BACH2: variants seen among roughly 807,000 people sequenced by gnomAD.
The protein encoded by BACH2 is BACH transcriptional regulator 2.
In BACH2, 5 loss-of-function variants were observed where a neutral mutation model predicts 61.8. The ratio of observed to expected loss-of-function variants is 0.08; its 90% CI spans 0.04 to 0.17. The LOEUF is 0.17. BACH2 is among the 10% of genes least tolerant of loss of function. The pLI, the probability that BACH2 is intolerant of heterozygous loss-of-function variation, is 1.00. For missense variants in BACH2, 824 were observed against 1,091.1 expected (o/e 0.76, Z 3.45); for synonymous variants, 446 against 440.1 (o/e 1.01, Z -0.17).
At chr6:90,204,179 T>C (rs1769057735) in intron 4 of BACH2, among the ~76,000 whole-genome samples, 1 of 152,088 alleles carries the variant, frequency 6.6e-6, no homozygotes, top group Non-Finnish European at 1.5e-5. Context: ...GCCCCGTCAG[T>C]GAGCTGGGAT....
intron 6 of BACH2, among the ~76,000 whole-genome samples, chr6:89,978,633 T>TAAAA (rs753724278): frequency 1.9e-3 from 165 of 85,960 alleles, no homozygotes; most frequent in Non-Finnish European, 2.9e-3. Context: ...GTGTTGGCTT[T>TAAAA]AAAAAAAAAA....
rs765643855 is a variant in BACH2 at position 89,950,784 on chromosome 6, A to C, written c.1322T>G (p.Val441Gly). The change falls in exon 7 of 9, where the codon GTG (valine) becomes GGG (glycine). Residue 441 changes from valine (V) to glycine (G), a missense_variant. By Grantham distance (109) the Val-to-Gly change is moderately radical. Around this residue, in one of 8 missense-constraint regions of BACH2, gnomAD observed 102 missense variants for 98.1 expected, o/e 1.04. Transcript: ENST00000257749. The surrounding 1 kb of genome is among the most constrained non-coding windows in gnomAD (Gnocchi z 5.3). ...AGAATAAGAATGCACCGAGGTGCTC[A>C]CTTGGTCACAAGCGCTGGAGGAGAA... The part of the protein sequence containing the change: ...VIFSSSACDQ[V>G]STSVHSYSGV... The C allele has an allele frequency of 6.2e-7, 1 of 1,614,112 alleles. No homozygotes were observed. The highest frequency in any genetic ancestry group is 8.5e-7 in the Non-Finnish European group (1 of 1,180,030).
At chr6:90,283,057 T>TA (rs1173396403) in intron 1 of BACH2, among the ~76,000 whole-genome samples, 2 of 152,262 alleles carry the variant, frequency 1.3e-5, no homozygotes, top group African/African-American at 4.8e-5. Flanking sequence ...AGAGAGTGTG[T>TA]AATCATATGT....
chr6:90,205,584 T>C (rs1933321254), intron 4 of BACH2, among the ~76,000 whole-genome samples: 1 of 152,206 alleles, frequency 6.6e-6, no homozygotes, highest in African/African-American at 2.4e-5. Context: ...ATACCAAGTG[T>C]CAAGGCTGAG....
chr6:90,092,445 A>G (rs1252347566), intron 4 of BACH2, among the ~76,000 whole-genome samples: 1 of 151,878 alleles, frequency 6.6e-6, no homozygotes, highest in African/African-American at 2.4e-5. Context: ...TACATTTACA[A>G]AAGAGTTTAT....
chr6:90,080,876 G>T, intron 5 of BACH2: 2 of 660,494 alleles, frequency 3.0e-6, no homozygotes, highest in Non-Finnish European at 3.7e-6. Context: ...GCTCTGATGA[G>T]ATGTCTCAGA....
intron 4 of BACH2, among the ~76,000 whole-genome samples, chr6:90,167,713 C>T (rs1433300717): frequency 6.6e-6 from 1 of 152,136 alleles, no homozygotes; most frequent in Non-Finnish European, 1.5e-5. Context: ...GGCTCCCAGG[C>T]GCTCCTGGAA....
intron 5 of BACH2, among the ~76,000 whole-genome samples, chr6:90,079,250 G>T (rs1781614536): frequency 6.6e-6 from 1 of 152,132 alleles, no homozygotes; most frequent in African/African-American, 2.4e-5. Context: ...ATACTACAGG[G>T]CAGGCGTGTG....
At chr6:89,975,400 T>C (rs987490346) in intron 6 of BACH2, among the ~76,000 whole-genome samples, 1 of 152,234 alleles carries the variant, frequency 6.6e-6, no homozygotes, top group African/African-American at 2.4e-5. Flanking sequence ...TTCTTTGTCT[T>C]TTTCCATTTT....
intron 5 of BACH2, among the ~76,000 whole-genome samples, chr6:90,014,453 TATATATATATA>T (rs1777919584): frequency 1.2e-5 from 1 of 82,002 alleles, no homozygotes; most frequent in Non-Finnish European, 2.2e-5. Context: ...TATATATATA[TATATATATATA>T]TATATTTTTT....
intron 6 of BACH2, among the ~76,000 whole-genome samples, chr6:89,979,198 G>T (rs1280682602): frequency 1.3e-5 from 2 of 152,118 alleles, no homozygotes; most frequent in African/African-American, 4.8e-5. Flanking sequence ...GGCATTCAAG[G>T]CTTCAGGGCT....
intron 5 of BACH2, among the ~76,000 whole-genome samples, chr6:90,071,267 G>T (rs116384830): frequency 6.6e-6 from 1 of 152,198 alleles, no homozygotes; most frequent in Non-Finnish European, 1.5e-5. Flanking sequence ...GTCACAGTTA[G>T]GATAATGTTA....
intron 4 of BACH2, among the ~76,000 whole-genome samples, chr6:90,178,470 T>C (rs1300884071): frequency 6.6e-6 from 1 of 152,192 alleles, no homozygotes; most frequent in East Asian, 1.9e-4. Flanking sequence ...GCGTGTCTAC[T>C]AGTAATAGTG....
intron 8 of BACH2, 49 bp from the exon 9 acceptor site, chr6:89,932,939 G>C: frequency 6.6e-7 from 1 of 1,510,622 alleles, no homozygotes; most frequent in South Asian, 1.4e-5. Flanking sequence ...CTGAACTGGA[G>C]GACAGAAGGC....
intron 6 of BACH2, among the ~76,000 whole-genome samples, chr6:89,997,570 C>T (rs983417071): frequency 6.6e-6 from 1 of 152,236 alleles, no homozygotes; most frequent in Non-Finnish European, 1.5e-5. Context: ...CATCAGAACG[C>T]CTCTCATGGT....
At position 89,951,511 on chromosome 6, in the gene BACH2, C is replaced by A. The variant is rs762444607; in HGVS notation, c.595G>T (p.Val199Leu). The stretch of plus-strand genomic sequence containing the variant: ...AGCAGGGCTTCTTCCTTCTCTGCTA[C>A]GGGGATGGCGGCGGCCTCAAAGCTG... ...PISFEAAAIP[V>L]AEKEEALLPE... is the part of the protein sequence containing the mutation. The change falls in exon 7 of 9, where the codon GTA becomes TTA. Residue 199 changes from valine to leucine, a missense_variant. Transcript: ENST00000257749. The surrounding 1 kb of genome is among the most constrained non-coding windows in gnomAD (Gnocchi z 6.4). The A allele has an allele frequency of 1.2e-6, 2 of 1,614,250 alleles. No homozygotes were observed. The highest frequency in any genetic ancestry group is 8.5e-7 in the Non-Finnish European group (1 of 1,180,046).
At chr6:90,070,625 C>A (rs1781182646) in intron 5 of BACH2, among the ~76,000 whole-genome samples, 1 of 152,144 alleles carries the variant, frequency 6.6e-6, no homozygotes. Flanking sequence ...TCTACAGCAG[C>A]CCCCAAACAT....
At chr6:90,136,786 A>G (rs1289557383) in intron 4 of BACH2, among the ~76,000 whole-genome samples, 1 of 152,176 alleles carries the variant, frequency 6.6e-6, no homozygotes, top group Admixed American at 6.6e-5. Context: ...AAATGTGAAC[A>G]TAACAGCCAG....
chr6:90,219,147 A>G (rs1158083782), intron 3 of BACH2, among the ~76,000 whole-genome samples: 1 of 152,130 alleles, frequency 6.6e-6, no homozygotes, highest in Non-Finnish European at 1.5e-5. Context: ...CAGCCTCCCT[A>G]TGATGTCACT....
Sources: allele counts gnomAD v4.1 joint callset (sites outside exome capture counted in the v4.1 genomes callset), GRCh38; gene constraint gnomAD v4.1.1; regional missense constraint gnomAD v4.1.1; non-coding constraint Gnocchi (gnomAD v3.1); transcripts MANE v1.5; gene names NCBI Gene and HGNC (gene_info 2026-07-23, HGNC 2026-07-21).